SF3B1: variants seen among roughly 807,000 people sequenced by gnomAD.
The protein encoded by SF3B1 is splicing factor 3b subunit 1, also known as pre-mRNA processing 10.
A neutral mutation model predicts 153.8 loss-of-function variants in SF3B1; 12 were observed. The observed-to-expected ratio is 0.08, with a 90% CI of 0.05 to 0.13. The LOEUF is 0.13. Among genes scored for constraint, SF3B1 ranks in the 10% least tolerant of loss-of-function variants. The probability of loss-of-function intolerance (pLI) is 1.00; values close to 1 mark genes in which losing one functional copy is unlikely to be tolerated. For synonymous variants in SF3B1, 498 were observed against 525.2 expected, an observed-to-expected ratio of 0.95 and a Z score of 0.71; for missense variants, 513 against 1,606.1, an observed-to-expected ratio of 0.32 and a Z score of 11.63.
At chr2:197,406,924 C>CAA (rs1415308725) in intron 9 of SF3B1, among the ~76,000 whole-genome samples, 2 of 151,838 alleles carry the variant, frequency 1.3e-5, no homozygotes, top group East Asian at 3.9e-4. Context: ...CCCGTATCTA[C>CAA]AAAAAATAAA....
At chr2:197,399,655 T>C (rs2084917700) in intron 20 of SF3B1, among the ~76,000 whole-genome samples, 1 of 152,162 alleles carries the variant, frequency 6.6e-6, no homozygotes. Context: ...TCATAATCGC[T>C]AATTCAAGGT....
At chr2:197,434,655 G>C (rs2085494030) in intron 1 of SF3B1, among the ~76,000 whole-genome samples, 1 of 152,160 alleles carries the variant, frequency 6.6e-6, no homozygotes, top group African/African-American at 2.4e-5. Flanking sequence ...TTCTCCCCAC[G>C]CCCGCTTCCC....
intron 6 of SF3B1, among the ~76,000 whole-genome samples, chr2:197,411,671 C>CAA (rs776789273): frequency 7.9e-6 from 1 of 127,086 alleles, no homozygotes. Flanking sequence ...GACCCCGTCT[C>CAA]AAAAAAAAAA....
rs574267017 is a variant in SF3B1 at position 197,431,574 on chromosome 2, T to C, written c.28+3398A>G. ...CAGATACTGCCCTCAGATGTTAATG[T>C]CTCACCTACACCTTTCAGTCTGGTC... On this transcript the variant is annotated intron_variant, in intron 1 of 24. Coordinates refer to ENST00000335508, the MANE Select transcript of SF3B1 (RefSeq NM_012433.4). 9.2e-4 allele frequency among the ~76,000 whole-genome samples: 140 copies of C among 152,330 alleles called. 1 individual carries two copies. The highest frequency in any genetic ancestry group is 3.2e-3 in the African/African-American group (133 of 41,574).
chr2:197,396,704 A>T (rs907446824), intron 22 of SF3B1, among the ~76,000 whole-genome samples: 2 of 152,246 alleles, frequency 1.3e-5, no homozygotes, highest in Non-Finnish European at 2.9e-5. Flanking sequence ...AGAACTAGGT[A>T]GGAGTGGTGA....
chr2:197,404,427 G>A (rs1574530814), intron 11 of SF3B1, among the ~76,000 whole-genome samples: 2 of 151,934 alleles, frequency 1.3e-5, no homozygotes, highest in African/African-American at 4.8e-5. Context: ...TAAAAATACA[G>A]AAATTAGCAG....
At chr2:197,426,381 C>A (rs930563299) in intron 1 of SF3B1, among the ~76,000 whole-genome samples, 1 of 151,934 alleles carries the variant, frequency 6.6e-6, no homozygotes, top group African/African-American at 2.4e-5. Context: ...CTGCAACCTC[C>A]GCCTCCCAGG....
rs201605136 is a variant in SF3B1, at chr2:197,392,575, G to GGA, written c.3757-115_3757-114insTC. 4.1e-5 allele frequency: 13 copies of GGA among 314,710 alleles called. 1 individual carries two copies. In the Admixed American group the frequency reaches 4.3e-4, roughly 11 times the overall value. 19.5% of individuals were successfully genotyped at this position (314,710 alleles called of 1,614,324 possible). ...AATTATTTCCCTTGGGGAGTTGGGGGGGGGGGAACCTACTAATTACACTGC... is the reference window on the plus strand; with the variant it reads ...AATTATTTCCCTTGGGGAGTTGGGGGGAGGGGGGAACCTACTAATTACACTGC... On this transcript the variant is annotated intron_variant, in intron 24 of 24. Transcript: ENST00000335508.
chr2:197,396,424 TA>T, intron 22 of SF3B1, 96 bp from the exon 23 acceptor site: 1 of 973,490 alleles, frequency 1.0e-6, no homozygotes, highest in Non-Finnish European at 1.5e-6. Context: ...TAAGTATTAA[TA>T]ATTACAGGGA....
At chr2:197,415,251 ATTAT>A (rs931972047) in intron 6 of SF3B1, among the ~76,000 whole-genome samples, 1 of 151,024 alleles carries the variant, frequency 6.6e-6, no homozygotes, top group South Asian at 2.1e-4. Flanking sequence ...AGTAGCTTTA[ATTAT>A]TTATTTATTT....
chr2:197,424,881 C>A (rs1405553506), intron 1 of SF3B1, among the ~76,000 whole-genome samples: 1 of 152,204 alleles, frequency 6.6e-6, no homozygotes, highest in Non-Finnish European at 1.5e-5. Flanking sequence ...ACTTGCTGGC[C>A]GGGCGCGGTG....
At chr2:197,417,244 A>C (rs749443440) in intron 5 of SF3B1, among the ~76,000 whole-genome samples, 10 of 152,226 alleles carry the variant, frequency 6.6e-5, no homozygotes, top group African/African-American at 9.6e-5. Context: ...AACTCATATA[A>C]ATAGCAATTA....
intron 11 of SF3B1, 151 bp from the exon 12 acceptor site, chr2:197,403,915 C>T (rs746027512): frequency 9.2e-5 from 54 of 587,338 alleles, no homozygotes; most frequent in Non-Finnish European, 1.4e-4. Flanking sequence ...CATTTCCATC[C>T]AAATTACTCT....
chr2:197,406,057 T>C (rs974285228), intron 9 of SF3B1, among the ~76,000 whole-genome samples: 1 of 146,392 alleles, frequency 6.8e-6, no homozygotes, highest in Admixed American at 6.8e-5. Context: ...TTTCAAAAAA[T>C]GCAGGCTGAA....
intron 1 of SF3B1, among the ~76,000 whole-genome samples, chr2:197,431,073 C>G (rs1349956023): frequency 6.6e-6 from 1 of 150,600 alleles, no homozygotes; most frequent in Non-Finnish European, 1.5e-5. Context: ...CCAATTCTGT[C>G]CCTCTGATTT....
rs886791203 is a variant in SF3B1, at chr2:197,390,473, A to G, written c.*1830T>C. On this transcript the variant is annotated 3_prime_UTR_variant, in exon 25 of 25. Coordinates refer to ENST00000335508, the MANE Select transcript of SF3B1 (RefSeq NM_012433.4). ...GAAGTACCGCTGAAAACTTCTAACA[A>G]CAGAAAGATGAGTTTGGAGTGTTTA... 3 of 152,240 alleles carry G rather than the reference A, an allele frequency of 2.0e-5. No individual in the cohort carries two copies. Among genetic ancestry groups the G allele is most frequent in the Non-Finnish European group, 4.4e-5 (3 of 68,040 alleles). The allele number at this position is 152,240 out of a possible 1,614,324, so 9.4% of individuals were successfully genotyped here. A position where few individuals can be genotyped will look rare whatever the true frequency, so the allele number is the denominator to read the frequency against.
chr2:197,415,309 T>G (rs189018428), intron 6 of SF3B1, among the ~76,000 whole-genome samples: 2 of 151,836 alleles, frequency 1.3e-5, no homozygotes, highest in Non-Finnish European at 2.9e-5. Context: ...CTGGAACACA[T>G]TGGCGTAATC....
Position 197,402,867 on chromosome 2 carries a change from T to C in SF3B1, c.1807-41A>G, listed in dbSNP as rs371387200. On this transcript the variant is annotated intron_variant, in intron 13 of 24. Transcript: ENST00000335508. This position sits in a 1 kb window ranked among gnomAD's most constrained non-coding sequence, Gnocchi z 4.6. ...AGAAAGGACAGTCATGAGTTGGTAA[T>C]ATTAATCTTCAACCATTTCTTTCCA... The C allele has an allele frequency of 2.5e-6, 4 of 1,611,748 alleles. No individual in the cohort carries two copies. The African/African-American group carries it at 5.4e-5, about 22-fold the overall frequency.
intron 23 of SF3B1, among the ~76,000 whole-genome samples, chr2:197,394,522 C>T (rs1015425011): frequency 6.6e-6 from 1 of 152,188 alleles, no homozygotes; most frequent in African/African-American, 2.4e-5. Context: ...AATTTATGTT[C>T]ATGAAAAATC....
Sources: gnomAD v4.1 joint callset for allele counts (sites outside exome capture counted in the v4.1 genomes callset) on GRCh38, gnomAD v4.1.1 for gene constraint, Gnocchi (gnomAD v3.1) non-coding constraint, MANE v1.5 for transcripts, NCBI Gene and HGNC (gene_info 2026-07-23, HGNC 2026-07-21) for gene names.